The following PTPRC variants were observed in gnomAD, a reference collection of about 807,000 sequenced individuals.
PTPRC encodes protein tyrosine phosphatase receptor type C, also known as receptor-type tyrosine-protein phosphatase C.
A neutral mutation model predicts 155.9 loss-of-function variants in PTPRC; 44 were observed. That is an observed-to-expected ratio of 0.28 (90% CI 0.22 to 0.36). PTPRC has a LOEUF of 0.36. Ranked by LOEUF, PTPRC falls within the 10% of genes least tolerant of loss-of-function variation. The probability of loss-of-function intolerance (pLI) is 1.00; values close to 1 mark genes in which losing one functional copy is unlikely to be tolerated. For synonymous variants in PTPRC, 525 were observed against 533.1 expected (o/e 0.98, Z 0.21); for missense variants, 1,401 against 1,564.6 (o/e 0.90, Z 1.76).
chr1:198,671,431 C>T (rs1035393922), intron 2 of PTPRC, among the ~76,000 whole-genome samples: 3 of 152,202 alleles, frequency 2.0e-5, no homozygotes, highest in African/African-American at 7.2e-5. Flanking sequence ...CCATCTGGCT[C>T]CTCTTTCTCT....
chr1:198,697,410 GT>G (rs1666256822), intron 4 of PTPRC, among the ~76,000 whole-genome samples: 1 of 152,204 alleles, frequency 6.6e-6, no homozygotes, highest in Non-Finnish European at 1.5e-5. Flanking sequence ...TGTTATTTGA[GT>G]TTCTTTTAAG....
intron 2 of PTPRC, among the ~76,000 whole-genome samples, chr1:198,640,534 A>G (rs1662519568): frequency 6.6e-6 from 1 of 152,086 alleles, no homozygotes; most frequent in South Asian, 2.1e-4. Flanking sequence ...TGAATTTTTT[A>G]AAAATCTATA....
intron 31 of PTPRC, among the ~76,000 whole-genome samples, chr1:198,753,147 A>G (rs1367397675): frequency 6.6e-6 from 1 of 152,046 alleles, no homozygotes; most frequent in Non-Finnish European, 1.5e-5. Flanking sequence ...GATCTACTCT[A>G]TTAGGTGTCA....
chr1:198,726,939 T>C (rs1197726189), intron 15 of PTPRC, among the ~76,000 whole-genome samples: 1 of 151,424 alleles, frequency 6.6e-6, no homozygotes, highest in Non-Finnish European at 1.5e-5. Flanking sequence ...CTTGGCTCAC[T>C]GCAACCTCTG....
In PTPRC at chr1:198,693,040, G is replaced by C. The variant is rs139640117; in HGVS notation, c.100+667G>C. 165 of 972,664 alleles carry C rather than the reference G, an allele frequency of 1.7e-4. 1 individual carries two copies. In the African/African-American group the frequency reaches 2.6e-3, roughly 15 times the overall value. The allele number at this position is 972,664 out of a possible 1,614,324, so 60.3% of individuals were successfully genotyped here. On this transcript the variant is annotated intron_variant, in intron 3 of 32. Coordinates refer to ENST00000442510, the MANE Select transcript of PTPRC (RefSeq NM_002838.5). ...GATGTTACTGAAAATGTATTTTCCT[G>C]CATAATCATATGGTTGACAGTATGC...
intron 11 of PTPRC, among the ~76,000 whole-genome samples, chr1:198,711,931 C>T (rs977869388): frequency 1.3e-5 from 2 of 152,168 alleles, no homozygotes; most frequent in African/African-American, 4.8e-5. Flanking sequence ...TAATACTATA[C>T]ATCCATTAAA....
At chr1:198,695,193 C>A in intron 3 of PTPRC, 3 of 877,128 alleles carry the variant, frequency 3.4e-6, no homozygotes, top group Non-Finnish European at 4.1e-6. Flanking sequence ...CCATTTTCTT[C>A]TCTAGTAATA....
chr1:198,680,146 A>T, intron 2 of PTPRC: 1 of 399,610 alleles, frequency 2.5e-6, no homozygotes. Flanking sequence ...GCCGGGGCTC[A>T]TTTATAGGAT....
chr1:198,737,760 A>AT (rs1449734807), intron 23 of PTPRC, among the ~76,000 whole-genome samples: 1 of 151,804 alleles, frequency 6.6e-6, no homozygotes, highest in Admixed American at 6.6e-5. Context: ...TAGTATGGAC[A>AT]TTTTAATAAT....
rs1467227447 is a variant in PTPRC, at chr1:198,718,002, T to G, written c.1451-92T>G. 5.5e-6 allele frequency: 6 copies of G among 1,097,296 alleles called. No homozygotes were observed. In the East Asian group the frequency reaches 1.5e-4, roughly 28 times the overall value. 68.0% of individuals were successfully genotyped at this position (1,097,296 alleles called of 1,614,324 possible). On this transcript the variant is annotated intron_variant, in intron 13 of 32. Transcript: ENST00000442510. ...TATTTATAACCCCCAAGCTAACACT[T>G]AAAATACTTTATACTATATCCAAGT...
intron 2 of PTPRC, among the ~76,000 whole-genome samples, chr1:198,674,416 C>T (rs1189346915): frequency 6.6e-6 from 1 of 151,498 alleles, no homozygotes; most frequent in Non-Finnish European, 1.5e-5. Context: ...TACAATTTTA[C>T]AATTTTACAA....
chr1:198,639,813 G>A (rs950469118), intron 2 of PTPRC, among the ~76,000 whole-genome samples: 3 of 151,822 alleles, frequency 2.0e-5, no homozygotes, highest in African/African-American at 7.3e-5. Flanking sequence ...CTCAAATTTT[G>A]AATTTAATTG....
At chr1:198,741,731 C>G in intron 23 of PTPRC, 138 bp from the exon 24 acceptor site, 2 of 838,090 alleles carry the variant, frequency 2.4e-6, no homozygotes, top group Non-Finnish European at 3.7e-6. Context: ...ATATAAGACA[C>G]CTGAGGAAAC....
chr1:198,699,965 A>G (rs1011075538), intron 5 of PTPRC: 4 of 560,270 alleles, frequency 7.1e-6, no homozygotes, highest in South Asian at 2.1e-5. Flanking sequence ...TCTATTTTTT[A>G]TATATTTCAG....
chr1:198,705,462 C>T (rs1359657630), intron 8 of PTPRC, among the ~76,000 whole-genome samples: 1 of 148,934 alleles, frequency 6.7e-6, no homozygotes, highest in Non-Finnish European at 1.5e-5. Flanking sequence ...ACTCTGTTGC[C>T]CGGGCTGGAG....
chr1:198,641,796 A>T (rs1459690042), intron 2 of PTPRC, among the ~76,000 whole-genome samples: 1 of 152,040 alleles, frequency 6.6e-6, no homozygotes, highest in East Asian at 1.9e-4. Context: ...TATGTGAGGT[A>T]TATGATGAGT....
chr1:198,643,467 C>A (rs185698074), intron 2 of PTPRC, among the ~76,000 whole-genome samples: 17 of 151,986 alleles, frequency 1.1e-4, no homozygotes, highest in African/African-American at 3.9e-4. Context: ...ATGAAGACAG[C>A]AGGACTATTT....
intron 32 of PTPRC, among the ~76,000 whole-genome samples, chr1:198,755,554 T>A (rs1214620533): frequency 1.3e-5 from 2 of 152,018 alleles, no homozygotes; most frequent in Non-Finnish European, 2.9e-5. Flanking sequence ...AAGAAACGCT[T>A]CTCGAAGCAG....
At chr1:198,705,126 T>A (rs973777688) in intron 8 of PTPRC, among the ~76,000 whole-genome samples, 8 of 152,122 alleles carry the variant, frequency 5.3e-5, no homozygotes, top group Admixed American at 3.9e-4. Context: ...CTCTCTTTTT[T>A]TTTTTCTCAT....
Sources: gnomAD v4.1 joint callset for allele counts (sites outside exome capture counted in the v4.1 genomes callset) on GRCh38, gnomAD v4.1.1 for gene constraint, MANE v1.5 for transcripts, NCBI Gene and HGNC (gene_info 2026-07-23, HGNC 2026-07-21) for gene names.